The following CAND2 variants were observed in gnomAD, a reference collection of about 807,000 sequenced individuals.
CAND2 encodes the protein cullin-associated NEDD8-dissociated protein 2.
Under a neutral mutation model 98.9 loss-of-function variants are expected in CAND2, and 62 were observed. The ratio of observed to expected loss-of-function variants is 0.63; its 90% confidence interval spans 0.51 to 0.77. The LOEUF is 0.77. Ranked by LOEUF, CAND2 falls within the 30% of genes least tolerant of loss-of-function variation. The pLI, the probability that CAND2 is intolerant of heterozygous loss-of-function variation, is 0.00. For missense variants in CAND2, 1,501 were observed against 1,655.2 expected (o/e 0.91, Z 1.62); for synonymous variants, 770 against 731.9 (o/e 1.05, Z -0.84).
intron 1 of CAND2, among the ~76,000 whole-genome samples, chr3:12,799,846 A>AG (rs1414193440): frequency 6.6e-6 from 1 of 152,160 alleles, no homozygotes; most frequent in Non-Finnish European, 1.5e-5. Context: ...CTGTGGATGC[A>AG]GGGGTAGGGC....
intron 14 of CAND2, among the ~76,000 whole-genome samples, chr3:12,833,364 A>T (rs1412691744): frequency 2.0e-5 from 3 of 152,196 alleles, no homozygotes; most frequent in Admixed American, 2.0e-4. Flanking sequence ...CCATTCATTC[A>T]GTCTAGTCAT....
intron 5 of CAND2, among the ~76,000 whole-genome samples, chr3:12,812,655 C>T (rs1396203011): frequency 1.3e-5 from 2 of 151,976 alleles, no homozygotes; most frequent in Admixed American, 6.6e-5. Context: ...CCACCCGCCT[C>T]GGCCTCCCAT....
intron 5 of CAND2, among the ~76,000 whole-genome samples, chr3:12,811,394 A>G (rs943998377): frequency 6.6e-6 from 1 of 152,114 alleles, no homozygotes; most frequent in Non-Finnish European, 1.5e-5. Context: ...GGAGTGCTCT[A>G]AAGCCTGGAG....
chr3:12,816,738 G>A lies in CAND2; in HGVS notation c.1806G>A (p.Leu602=), dbSNP rs372985470. Residue 602 remains leucine (L), a synonymous_variant, in exon 10 of 15, where the codon CTG becomes CTA. Coordinates refer to ENST00000456430, the MANE Select transcript of CAND2 (RefSeq NM_001162499.2). The part of the protein sequence containing the change: ...ISCMGHLVGH[L]GDRLGDDLEP... ...GCATGGGCCACCTTGTAGGCCACCT[G>A]GGTGACCGGCTTGGGGATGACCTGG... 112 of 1,613,598 alleles carry A rather than the reference G, an allele frequency of 6.9e-5. No individual in the cohort carries two copies. The highest frequency in any genetic ancestry group is 9.1e-5 in the Non-Finnish European group (107 of 1,180,054).
chr3:12,825,600 C>T lies in CAND2; in HGVS notation c.3171C>T (p.Leu1057=), dbSNP rs1299473058. The T allele has an allele frequency of 1.9e-6, 3 of 1,609,390 alleles. No homozygotes were observed. The highest frequency in any genetic ancestry group is 1.1e-5 in the South Asian group (1 of 89,580). The part of the protein sequence containing the change: ...RDLLDDILPL[L]YQETKIRRDL... ...TGCTGGATGACATCCTGCCCCTCCT[C>T]TACCAGGAGACAAAGATCCGGCGGG... Residue 1057 remains leucine, a synonymous_variant, in exon 12 of 15, where the codon CTC becomes CTT. Coordinates refer to ENST00000456430, the MANE Select transcript of CAND2 (RefSeq NM_001162499.2).
At chr3:12,802,717 G>A (rs1190721581) in intron 1 of CAND2, among the ~76,000 whole-genome samples, 1 of 152,170 alleles carries the variant, frequency 6.6e-6, no homozygotes, top group Non-Finnish European at 1.5e-5. Context: ...GGCACTTAAC[G>A]ACGGGGAAAC....
chr3:12,803,416 A>G, intron 1 of CAND2, 72 bp from the exon 2 acceptor site: 5 of 1,422,962 alleles, frequency 3.5e-6, no homozygotes, highest in Non-Finnish European at 3.8e-6. Flanking sequence ...TTCTAGGGGA[A>G]CCCTGAGGTA....
Position 12,810,330 on chromosome 3 carries a change from G to A in CAND2, c.757+6G>A. On this transcript the variant is annotated splice_donor_region_variant and intron_variant, in intron 5 of 14. Transcript: ENST00000456430. ...CCAGGCCGGCCACCGCCTCGGTAAG[G>A]GGGCAGGGGGCGGGGCCTGGGCTGG... 1 of 1,440,138 alleles carries A rather than the reference G, an allele frequency of 6.9e-7. No homozygotes were observed. Among genetic ancestry groups the A allele is most frequent in the South Asian group, 1.4e-5 (1 of 69,600 alleles). The allele number at this position is 1,440,138 out of a possible 1,614,324, so 89.2% of individuals were successfully genotyped here.
chr3:12,818,890 CGA>C (rs796945363), intron 10 of CAND2, among the ~76,000 whole-genome samples: 31 of 152,282 alleles, frequency 2.0e-4, no homozygotes, highest in African/African-American at 7.2e-4. Flanking sequence ...CCTTGAGAGA[CGA>C]GAGTGTTAAG....
intron 5 of CAND2, among the ~76,000 whole-genome samples, chr3:12,811,513 T>A (rs377422590): frequency 6.6e-6 from 1 of 152,224 alleles, no homozygotes; most frequent in Admixed American, 6.5e-5. Flanking sequence ...ACATGAATAA[T>A]GGTTTTGATA....
rs1314818145 is a variant in CAND2, at chr3:12,834,357, C to G, written c.*375C>G. ...GGCTGTGCTGTCAGCTGTAAAAGAT[C>G]AGGAGGCAGCAGACACCACTCTGGT... On this transcript the variant is annotated 3_prime_UTR_variant, in exon 15 of 15. Coordinates refer to ENST00000456430, the MANE Select transcript of CAND2 (RefSeq NM_001162499.2). 1 of 207,996 alleles carries G rather than the reference C, an allele frequency of 4.8e-6. No homozygotes were observed. Among genetic ancestry groups the G allele is most frequent in the East Asian group, 1.0e-4 (1 of 9,608 alleles). The allele number at this position is 207,996 out of a possible 1,614,324, so 12.9% of individuals were successfully genotyped here.
chr3:12,815,302 G>A lies in CAND2; in HGVS notation c.1168G>A (p.Glu390Lys), dbSNP rs547890865. ...VLIRRFKERE[E>K]NVKADVFTAY... ...CATCCGCCGCTTCAAAGAACGCGAG[G>A]AGAACGTCAAGGCTGACGTCTTCAC... Residue 390 changes from glutamate to lysine, a missense_variant, in exon 8 of 15, where the codon GAG becomes AAG. Around this residue, in one of 3 missense-constraint regions of CAND2, gnomAD observed 1,427 missense variants for 1,545.3 expected, o/e 0.92. Coordinates refer to ENST00000456430, the MANE Select transcript of CAND2 (RefSeq NM_001162499.2). This position sits in a 1 kb window ranked among gnomAD's most constrained non-coding sequence, Gnocchi z 5.7. The A allele has an allele frequency of 6.2e-7, 1 of 1,613,992 alleles. No individual in the cohort carries two copies. The highest frequency in any genetic ancestry group is 8.5e-7 in the Non-Finnish European group (1 of 1,180,052).
intron 13 of CAND2, among the ~76,000 whole-genome samples, chr3:12,830,041 A>G (rs1354150640): frequency 6.6e-6 from 1 of 152,170 alleles, no homozygotes; most frequent in African/African-American, 2.4e-5. Flanking sequence ...CTGCTAAAGC[A>G]TCCGATGCGC....
chr3:12,803,209 G>A (rs1191438551), intron 1 of CAND2, among the ~76,000 whole-genome samples: 1 of 152,100 alleles, frequency 6.6e-6, no homozygotes, highest in East Asian at 1.9e-4. Context: ...AGCCAGGATG[G>A]TCTTGATCTC....
intron 9 of CAND2, 87 bp from the exon 10 acceptor site, chr3:12,816,287 C>A: frequency 1.5e-6 from 2 of 1,326,170 alleles, no homozygotes; most frequent in Non-Finnish European, 2.1e-6. Context: ...CCAGCTCAGG[C>A]ACTTGTAGGT....
intron 1 of CAND2, among the ~76,000 whole-genome samples, chr3:12,800,436 G>A (rs1274704332): frequency 2.0e-5 from 3 of 152,208 alleles, no homozygotes; most frequent in African/African-American, 7.2e-5. Flanking sequence ...AGCAGGGCCA[G>A]CGTGGGGTGG....
intron 11 of CAND2, among the ~76,000 whole-genome samples, chr3:12,822,328 T>C: frequency 7.2e-6 from 1 of 138,344 alleles, no homozygotes; most frequent in African/African-American, 2.8e-5. Flanking sequence ...AGAGTCTCAC[T>C]CTGTCACCCA....
chr3:12,824,724 A>G (rs188405744), intron 11 of CAND2, among the ~76,000 whole-genome samples: 113 of 152,290 alleles, frequency 7.4e-4, no homozygotes, highest in African/African-American at 2.4e-3. Context: ...CCTGGCCAAC[A>G]TGGTGAAACC....
rs544160485 is a variant in CAND2 at position 12,815,330 on chromosome 3, C to T, written c.1196C>T (p.Ala399Val). 7.4e-6 allele frequency: 12 copies of T among 1,614,024 alleles called. No individual in the cohort carries two copies. Among genetic ancestry groups the T allele is most frequent in the African/African-American group, 2.7e-5 (2 of 75,066 alleles). Residue 399 changes from alanine (A) to valine (V), a missense_variant, in exon 8 of 15, where the codon GCT becomes GTT. Transcript: ENST00000456430. The surrounding 1 kb of genome is among the most constrained non-coding windows in gnomAD (Gnocchi z 5.7). ...EENVKADVFT[A>V]YIVLLRQTQP... Reference sequence around the variant, plus strand: ...AACGTCAAGGCTGACGTCTTCACTGCTTACATCGTGCTGCTGCGGCAAACA... The same window carrying T: ...AACGTCAAGGCTGACGTCTTCACTGTTTACATCGTGCTGCTGCGGCAAACA...
Sources: gnomAD v4.1 joint callset for allele counts (sites outside exome capture counted in the v4.1 genomes callset) on GRCh38, gnomAD v4.1.1 for gene constraint, gnomAD v4.1.1 regional missense constraint, Gnocchi (gnomAD v3.1) non-coding constraint, MANE v1.5 for transcripts, NCBI Gene and HGNC (gene_info 2026-07-23, HGNC 2026-07-21) for gene names.